Variants in MYBL1 observed in about 807,000 individuals in gnomAD.
MYBL1 encodes the protein myb-related protein A.
Under a neutral mutation model 96.3 loss-of-function variants are expected in MYBL1, and 17 were observed. The ratio of observed to expected loss-of-function variants is 0.18; its 90% CI spans 0.12 to 0.26. The LOEUF (loss-of-function observed/expected upper bound fraction) is 0.26, where lower values mean the gene tolerates loss of function less well. Ranked by LOEUF, MYBL1 falls within the 10% of genes least tolerant of loss-of-function variation. The pLI is 1.00. For missense variants in MYBL1, 701 were observed against 882.9 expected (o/e 0.79, Z 2.61); for synonymous variants, 282 against 292.7 (o/e 0.96, Z 0.37).
intron 1 of MYBL1, 131 bp downstream of exon 1, chr8:66,612,688 G>T: frequency 8.8e-7 from 1 of 1,135,608 alleles, no homozygotes; most frequent in Non-Finnish European, 1.2e-6. Context: ...CCAAGCGGCC[G>T]CGGGGACGCG....
At chr8:66,579,256 T>TTTC (rs139377516) in intron 9 of MYBL1, among the ~76,000 whole-genome samples, 12,045 of 151,590 alleles carry the variant, frequency 0.079, 962 homozygotes, top group African/African-American at 0.2. Flanking sequence ...AAAAAAAAAT[T>TTTC]TTTTTTAAAA....
rs1178655978 is a variant in MYBL1, at chr8:66,566,958, C to T, written c.1763G>A (p.Arg588Gln). Residue 588 changes from arginine to glutamine, a missense_variant, in exon 13 of 16, where the codon CGG (arginine) becomes CAG (glutamine). Physicochemically the swap from Arg to Gln is conservative, Grantham distance 43. This residue lies in a region of MYBL1 where 63 missense variants were observed against 109.2 expected (regional missense o/e 0.58). Coordinates refer to ENST00000522677, the MANE Select transcript of MYBL1 (RefSeq NM_001080416.4). Reference sequence around the variant, plus strand: ...TCCAGTTTCTTCTTTTAAAACTTCCCGAATATCTTCTTCCAAGAAAGCAAG... The same window carrying T: ...TCCAGTTTCTTCTTTTAAAACTTCCTGAATATCTTCTTCCAAGAAAGCAAG... ...QPLAFLEEDI[R>Q]EVLKEETGTD... is the part of the protein sequence containing the mutation. 18 of 1,612,714 alleles carry T rather than the reference C, an allele frequency of 1.1e-5. No homozygotes were observed. Among genetic ancestry groups the T allele is most frequent in the Non-Finnish European group, 1.4e-5 (16 of 1,179,440 alleles).
At chr8:66,591,860 T>C (rs1303122968) in intron 8 of MYBL1, among the ~76,000 whole-genome samples, 3 of 152,096 alleles carry the variant, frequency 2.0e-5, no homozygotes, top group African/African-American at 7.2e-5. Flanking sequence ...TATTTATATA[T>C]ATATACACAC....
At chr8:66,573,703 C>T (rs1808826301) in intron 10 of MYBL1, among the ~76,000 whole-genome samples, 197 bp from the exon 11 acceptor site, 1 of 152,076 alleles carries the variant, frequency 6.6e-6, no homozygotes, top group African/African-American at 2.4e-5. Context: ...TTTGTCTCCC[C>T]AGCTCTTAGA....
chr8:66,599,798 T>A (rs1302075316), intron 3 of MYBL1, among the ~76,000 whole-genome samples: 8 of 149,988 alleles, frequency 5.3e-5, no homozygotes, highest in Non-Finnish European at 1.2e-4. Flanking sequence ...GAAACTCTCA[T>A]CTCAAAAAAA....
chr8:66,581,262 T>A (rs1427489776), intron 8 of MYBL1, among the ~76,000 whole-genome samples: 1 of 152,216 alleles, frequency 6.6e-6, no homozygotes, highest in Non-Finnish European at 1.5e-5. Context: ...AAGGCTGAGT[T>A]CACTTAGGAC....
intron 1 of MYBL1, among the ~76,000 whole-genome samples, chr8:66,603,661 T>C (rs1262232558): frequency 3.3e-5 from 5 of 151,930 alleles, no homozygotes; most frequent in Non-Finnish European, 7.4e-5. Flanking sequence ...CAGCTAATTT[T>C]TTCTATTTTT....
At chr8:66,573,779 T>A (rs1808828654) in intron 10 of MYBL1, among the ~76,000 whole-genome samples, 1 of 151,980 alleles carries the variant, frequency 6.6e-6, no homozygotes, top group Non-Finnish European at 1.5e-5. Context: ...ACAAAAAAAA[T>A]ACTAAAAATT....
At chr8:66,591,553 A>G (rs6988670) in intron 8 of MYBL1, among the ~76,000 whole-genome samples, 15,912 of 152,074 alleles carry the variant, frequency 0.1, 1,866 homozygotes, top group African/African-American at 0.28. Context: ...CCCAACATCT[A>G]TATAAAATTT....
rs757511778 is a variant in MYBL1, at chr8:66,566,885, G to A, written c.1836C>T (p.Cys612=). ...KEEDEPAYKS[C]KQENTASGKK... ...AATACTAGAAGATTACCTCTTGTTT[G>A]CAGCTTTTGTAAGCAGGTTCATCTT... is the stretch of plus-strand genomic sequence containing the variant. The change falls in exon 13 of 16, where the codon TGC becomes TGT. Residue 612 remains cysteine, a synonymous_variant. Transcript: ENST00000522677. The A allele has an allele frequency of 1.2e-6, 2 of 1,610,384 alleles. No individual in the cohort carries two copies. Among genetic ancestry groups the A allele is most frequent in the Non-Finnish European group, 1.7e-6 (2 of 1,177,282 alleles).
chr8:66,613,030 AC>A lies in MYBL1; in HGVS notation c.-193del. ...GGGGGCGGACCGCGACCCGACCCCG[AC>A]CCCGGCCCGCAGCGCCGCTCTTAGC... On this transcript the variant is annotated 5_prime_UTR_variant, in exon 1 of 16. Coordinates refer to ENST00000522677, the MANE Select transcript of MYBL1 (RefSeq NM_001080416.4). 1.9e-6 allele frequency: 1 copy of A among 532,766 alleles called. No homozygotes were observed. The highest frequency in any genetic ancestry group is 8.7e-5 in the South Asian group (1 of 11,440). 33.0% of individuals were successfully genotyped at this position (532,766 alleles called of 1,614,324 possible). A position where few individuals can be genotyped will look rare whatever the true frequency, so the allele number is the denominator to read the frequency against.
At chr8:66,581,021 C>T (rs1809190529) in intron 8 of MYBL1, among the ~76,000 whole-genome samples, 2 of 151,922 alleles carry the variant, frequency 1.3e-5, no homozygotes, top group South Asian at 2.1e-4. Context: ...TCACCACACC[C>T]GGTTAATTTT....
chr8:66,569,849 A>G (rs1356174492), intron 12 of MYBL1, among the ~76,000 whole-genome samples: 2 of 152,222 alleles, frequency 1.3e-5, no homozygotes, highest in Admixed American at 6.5e-5. Context: ...ACCAAACTTA[A>G]TATTTCTACA....
At chr8:66,610,367 C>T (rs2130086426) in intron 1 of MYBL1, among the ~76,000 whole-genome samples, 1 of 151,330 alleles carries the variant, frequency 6.6e-6, no homozygotes, top group Non-Finnish European at 1.5e-5. Context: ...GTTGTTCACA[C>T]TTGAGGTAAC....
chr8:66,566,388 A>G, intron 14 of MYBL1, 145 bp from the exon 15 acceptor site: 1 of 547,822 alleles, frequency 1.8e-6, no homozygotes, highest in East Asian at 3.2e-5. Context: ...TAATGTAGTA[A>G]TATTATTTTG....
Position 66,569,816 on chromosome 8 carries a change from T to G in MYBL1, c.1728+2666A>C, listed in dbSNP as rs563541676. Among the ~76,000 whole-genome samples the G allele has an allele frequency of 6.6e-5, 10 of 152,366 alleles. No individual in the cohort carries two copies. In the South Asian group the frequency reaches 2.1e-3, roughly 32 times the overall value. ...GTCAAAAGCAAAGAACTCCTGCATTTAATACTTTTCAGGTTTGATACTACC... is the reference window on the plus strand; with the variant it reads ...GTCAAAAGCAAAGAACTCCTGCATTGAATACTTTTCAGGTTTGATACTACC... On this transcript the variant is annotated intron_variant, in intron 12 of 15. Transcript: ENST00000522677.
intron 8 of MYBL1, among the ~76,000 whole-genome samples, chr8:66,585,508 A>G (rs2129874205): frequency 6.6e-6 from 1 of 152,312 alleles, no homozygotes; most frequent in African/African-American, 2.4e-5. Flanking sequence ...TGGGAGGCCG[A>G]GGCAGGCAGA....
intron 8 of MYBL1, among the ~76,000 whole-genome samples, chr8:66,589,078 A>G (rs1809534082): frequency 6.6e-6 from 1 of 152,220 alleles, no homozygotes; most frequent in South Asian, 2.1e-4. Context: ...GGCTGCAGCA[A>G]CTTCCCTCTA....
Position 66,606,963 on chromosome 8 carries a change from G to T in MYBL1, c.21-4440C>A, listed in dbSNP as rs573032234. On this transcript the variant is annotated intron_variant, in intron 1 of 15. Transcript: ENST00000522677. The stretch of plus-strand genomic sequence containing the variant: ...CTGCCATCATGCCTGGCTAATTTTT[G>T]AATTTTTTTCGTAGAGACGGGGTTT... 2.6e-5 allele frequency among the ~76,000 whole-genome samples: 4 copies of T among 151,918 alleles called. No individual in the cohort carries two copies. The South Asian group carries it at 8.3e-4, about 32-fold the overall frequency.
Sources: gnomAD v4.1 joint callset for allele counts (sites outside exome capture counted in the v4.1 genomes callset) on GRCh38, gnomAD v4.1.1 for gene constraint, gnomAD v4.1.1 regional missense constraint, MANE v1.5 for transcripts, NCBI Gene and HGNC (gene_info 2026-07-23, HGNC 2026-07-21) for gene names.